NEDD9: variants seen among roughly 807,000 people sequenced by gnomAD.
NEDD9 encodes the protein enhancer of filamentation 1.
NEDD9 carries 26 observed loss-of-function variants against 76.6 expected under a neutral mutation model. The ratio of observed to expected loss-of-function variants is 0.34; its 90% CI spans 0.25 to 0.47. The LOEUF (loss-of-function observed/expected upper bound fraction) is 0.47, where lower values mean the gene tolerates loss of function less well. NEDD9 is among the 20% of genes least tolerant of loss of function. NEDD9 has a pLI of 1.00. For missense variants in NEDD9, 937 were observed against 1,058.5 expected (o/e 0.89, Z 1.59); for synonymous variants, 392 against 414.2 (o/e 0.95, Z 0.65).
At chr6:11,194,544 G>A (rs1437371183) in intron 2 of NEDD9, among the ~76,000 whole-genome samples, 61 of 152,282 alleles carry the variant, frequency 4.0e-4, no homozygotes, top group African/African-American at 7.2e-5. Flanking sequence ...TGCTCAAACT[G>A]TGCTGTCCTT....
chr6:11,186,433 A>T (rs1757982884), intron 6 of NEDD9, among the ~76,000 whole-genome samples: 1 of 152,032 alleles, frequency 6.6e-6, no homozygotes, highest in Non-Finnish European at 1.5e-5. Context: ...TTAAATTGCA[A>T]TTATAATAAT....
chr6:11,201,098 T>C (rs1282847780), intron 2 of NEDD9: 3 of 1,608,682 alleles, frequency 1.9e-6, no homozygotes, highest in Non-Finnish European at 1.7e-6. Context: ...ATTGTGTCAC[T>C]TGTTCAAGGT....
Position 11,252,732 on chromosome 6 carries a change from G to GAAA in NEDD9, c.13-39008_13-39006dup, listed in dbSNP as rs375886404. ...CCTAGCCTGCAGTTTCATTTTCCCA[G>GAAA]AAAAAAAAAACAACTCTGTCTCTTA... On this transcript the variant is annotated intron_variant, in intron 3 of 3. Coordinates refer to the NEDD9 transcript ENST00000397378. The surrounding 1 kb of genome is among the most constrained non-coding windows in gnomAD (Gnocchi z 4.3). 2.5e-4 allele frequency among the ~76,000 whole-genome samples: 35 copies of GAAA among 141,868 alleles called. No individual in the cohort carries two copies. Among genetic ancestry groups the GAAA allele is most frequent in the African/African-American group, 8.2e-4 (32 of 39,262 alleles). The allele number at this position is 141,868 out of a possible 152,430, so 93.1% of individuals were successfully genotyped here.
At chr6:11,341,930 A>G (rs867355106) in intron 1 of NEDD9, among the ~76,000 whole-genome samples, 1 of 152,172 alleles carries the variant, frequency 6.6e-6, no homozygotes, top group Non-Finnish European at 1.5e-5. Context: ...TTCAAAAAAT[A>G]TATTAATTAA....
In NEDD9 at chr6:11,192,589, T is replaced by C. The variant is rs1758177088; in HGVS notation, c.562-143A>G. The stretch of plus-strand genomic sequence containing the variant: ...GGCAGTGCTCCATGTTATAACAGAT[T>C]TATTGCCTTTTTTTTTAATACATTT... On this transcript the variant is annotated intron_variant, in intron 3 of 6. Coordinates refer to ENST00000379446, the MANE Select transcript of NEDD9 (RefSeq NM_006403.4). The C allele has an allele frequency of 1.4e-5, 7 of 501,760 alleles. No individual in the cohort carries two copies. In the South Asian group the frequency reaches 1.7e-4, roughly 12 times the overall value. The allele number at this position is 501,760 out of a possible 1,614,324, so 31.1% of individuals were successfully genotyped here. A position where few individuals can be genotyped will look rare whatever the true frequency, so the allele number is the denominator to read the frequency against.
rs77222703 is a variant in NEDD9, at chr6:11,331,534, G to T, written c.-153+2967C>A. 7.2e-5 allele frequency among the ~76,000 whole-genome samples: 11 copies of T among 152,092 alleles called. No individual in the cohort carries two copies. The East Asian group carries it at 2.1e-3, about 29-fold the overall frequency. The stretch of plus-strand genomic sequence containing the variant: ...ACGCTAAAGGGTGCAAAAATAAAAG[G>T]GTTCAAAAAATGTTTAAATGTAAAA... On this transcript the variant is annotated intron_variant, in intron 2 of 3. Coordinates refer to the NEDD9 transcript ENST00000397378.
Position 11,241,030 on chromosome 6 carries a change from C to A in NEDD9, c.13-27303G>T, listed in dbSNP as rs1349140439. Among the ~76,000 whole-genome samples, 1 of 152,168 alleles carries A rather than the reference C, an allele frequency of 6.6e-6. No individual in the cohort carries two copies. Among genetic ancestry groups the A allele is most frequent in the East Asian group, 1.9e-4 (1 of 5,198 alleles). On this transcript the variant is annotated intron_variant, in intron 3 of 3. Coordinates refer to the NEDD9 transcript ENST00000397378. This position sits in a 1 kb window ranked among gnomAD's most constrained non-coding sequence, Gnocchi z 4.0. ...ACATGCTTTAGTTTGTCCAAATAAA[C>A]AACTTGTTATATGAAACTGTCATGG...
chr6:11,278,886 T>C (rs1760472309), intron 3 of NEDD9, among the ~76,000 whole-genome samples: 1 of 150,856 alleles, frequency 6.6e-6, no homozygotes. Context: ...AAGTAAAGAG[T>C]AGCAGCTGAC....
At chr6:11,186,574 C>G (rs1757986261) in intron 6 of NEDD9, among the ~76,000 whole-genome samples, 2 of 152,190 alleles carry the variant, frequency 1.3e-5, no homozygotes, top group East Asian at 3.9e-4. Context: ...ATCACCTCAC[C>G]CAGCTTCCCC....
intron 3 of NEDD9, among the ~76,000 whole-genome samples, chr6:11,272,367 T>C (rs890684044): frequency 3.9e-5 from 6 of 152,234 alleles, no homozygotes; most frequent in Non-Finnish European, 5.9e-5. Context: ...ACAGATGTTA[T>C]ACTTTTTAAA....
intron 5 of NEDD9, among the ~76,000 whole-genome samples, chr6:11,188,717 G>T (rs1758044046): frequency 6.6e-6 from 1 of 152,168 alleles, no homozygotes; most frequent in Non-Finnish European, 1.5e-5. Flanking sequence ...TTCCCACTGT[G>T]CAGGGTCAGA....
At chr6:11,378,630 C>CT (rs373826875) in intron 1 of NEDD9, among the ~76,000 whole-genome samples, 33 of 152,042 alleles carry the variant, frequency 2.2e-4, no homozygotes, top group Admixed American at 1.9e-3. Context: ...CTTATATATA[C>CT]TTTTTTGTAG....
At chr6:11,380,051 T>C (rs1561853199) in intron 1 of NEDD9, among the ~76,000 whole-genome samples, 1 of 152,252 alleles carries the variant, frequency 6.6e-6, no homozygotes, top group Non-Finnish European at 1.5e-5. Context: ...GTGCTCTCCA[T>C]GCTGTGCCTG....
chr6:11,327,748 G>A (rs1761959074), intron 2 of NEDD9, among the ~76,000 whole-genome samples: 1 of 152,246 alleles, frequency 6.6e-6, no homozygotes, highest in Non-Finnish European at 1.5e-5. Context: ...AGATGGGGAG[G>A]CAATCCCTCA....
At chr6:11,358,547 A>G (rs1762623991) in intron 1 of NEDD9, among the ~76,000 whole-genome samples, 1 of 152,190 alleles carries the variant, frequency 6.6e-6, no homozygotes, top group Non-Finnish European at 1.5e-5. Flanking sequence ...TTCCACTGAG[A>G]AGCAGTTTGA....
chr6:11,320,488 C>T (rs898194627), intron 2 of NEDD9, among the ~76,000 whole-genome samples: 7 of 152,182 alleles, frequency 4.6e-5, no homozygotes, highest in African/African-American at 1.7e-4. Context: ...TTGTTCGTAT[C>T]TATCCAGACT....
chr6:11,298,528 T>C (rs1414166179), intron 3 of NEDD9, among the ~76,000 whole-genome samples: 1 of 152,190 alleles, frequency 6.6e-6, no homozygotes, highest in Non-Finnish European at 1.5e-5. Context: ...AATTGCAGAG[T>C]TACAGCTGGA....
chr6:11,336,948 C>T (rs182533050), intron 1 of NEDD9, among the ~76,000 whole-genome samples: 6 of 152,178 alleles, frequency 3.9e-5, no homozygotes, highest in Non-Finnish European at 5.9e-5. Context: ...TGGCTGGGCG[C>T]GGTGGCTCAC....
chr6:11,320,890 A>G (rs1761780631), intron 2 of NEDD9, among the ~76,000 whole-genome samples: 1 of 151,906 alleles, frequency 6.6e-6, no homozygotes, highest in East Asian at 1.9e-4. Context: ...TCAAATCAGT[A>G]CCAATGGTTT....
Sources: gnomAD v4.1 joint callset for allele counts (sites outside exome capture counted in the v4.1 genomes callset) on GRCh38, gnomAD v4.1.1 for gene constraint, Gnocchi (gnomAD v3.1) non-coding constraint, MANE v1.5 for transcripts, NCBI Gene and HGNC (gene_info 2026-07-23, HGNC 2026-07-21) for gene names.